Variants in RPAP1 observed in about 807,000 individuals in gnomAD.
The protein encoded by RPAP1 is RNA polymerase II-associated protein 1.
In RPAP1, 109 loss-of-function variants were observed where a neutral mutation model predicts 142.4. That is an observed-to-expected ratio of 0.77 (90% CI 0.66 to 0.90). The LOEUF is 0.90. Among genes scored for constraint, RPAP1 ranks in the 40% least tolerant of loss-of-function variants. The pLI is 0.00. For missense variants in RPAP1, 1,546 were observed against 1,751.7 expected, an observed-to-expected ratio of 0.88 and a Z score of 2.10; for synonymous variants, 704 against 738.9, an observed-to-expected ratio of 0.95 and a Z score of 0.77.
At position 41,517,344 on chromosome 15, in the gene RPAP1, G is replaced by A; in HGVS notation, c.*198C>T. 3 of 503,920 alleles carry A rather than the reference G, an allele frequency of 6.0e-6. No homozygotes were observed. The highest frequency in any genetic ancestry group is 1.0e-5 in the Non-Finnish European group (3 of 288,934). 31.2% of individuals were successfully genotyped at this position (503,920 alleles called of 1,614,324 possible). On this transcript the variant is annotated 3_prime_UTR_variant, in exon 25 of 25. Coordinates refer to ENST00000304330, the MANE Select transcript of RPAP1 (RefSeq NM_015540.4). ...TCTTCACTCCCAGTACAGACCTTCA[G>A]AAGCCCCAGATATCAGGATGTAATG...
chr15:41,523,056 C>A, intron 18 of RPAP1, 96 bp from the exon 19 acceptor site: 1 of 1,128,342 alleles, frequency 8.9e-7, no homozygotes. Flanking sequence ...AACGGGGGGC[C>A]TGGCTGTGGA....
intron 9 of RPAP1, among the ~76,000 whole-genome samples, chr15:41,528,662 G>A (rs540994722): frequency 1.3e-5 from 2 of 152,322 alleles, no homozygotes; most frequent in Admixed American, 6.5e-5. Flanking sequence ...TTCCTGGAGC[G>A]AGTGGAGTCC....
In RPAP1 at chr15:41,527,580, C is replaced by T. The variant is rs745382561; in HGVS notation, c.1454G>A (p.Trp485Ter). 1 of 1,613,716 alleles carries T rather than the reference C, an allele frequency of 6.2e-7. No individual in the cohort carries two copies. The highest frequency in any genetic ancestry group is 8.5e-7 in the Non-Finnish European group (1 of 1,179,866). Reference protein sequence around the residue: ...DEELLDSTFSWYHGALTFPLM... With the variant: ...DEELLDSTFS Reference sequence around the variant, plus strand: ...AGGGAACGTCAAAGCTCCATGGTACCAAGAGAAGGTGCTGTCGAGGAGCTC... The same window carrying T: ...AGGGAACGTCAAAGCTCCATGGTACTAAGAGAAGGTGCTGTCGAGGAGCTC... Residue 485 changes from tryptophan (W) to a stop codon, truncating the protein, a stop_gained, in exon 12 of 25, where the codon TGG (tryptophan) becomes TAG (stop). Transcript: ENST00000304330. LOFTEE classifies it high-confidence loss of function.
At chr15:41,523,601 G>T (rs528702081) in intron 17 of RPAP1, among the ~76,000 whole-genome samples, 170 bp downstream of exon 17, 1 of 152,334 alleles carries the variant, frequency 6.6e-6, no homozygotes, top group Non-Finnish European at 1.5e-5. Context: ...CTCCTGGGAA[G>T]CTCCACGGGG....
At chr15:41,527,759 A>G in intron 11 of RPAP1, 101 bp downstream of exon 11, 1 of 1,512,572 alleles carries the variant, frequency 6.6e-7, no homozygotes, top group South Asian at 1.3e-5. Context: ...ATCCCATTCT[A>G]CATCTTGCCC....
chr15:41,536,742 T>C (rs1307582265), intron 2 of RPAP1, 93 bp from the exon 3 acceptor site: 3 of 1,467,296 alleles, frequency 2.0e-6, no homozygotes, highest in Admixed American at 4.0e-5. Context: ...CATGGGGCCC[T>C]GGCTCAAGCT....
At chr15:41,522,607 C>G in intron 19 of RPAP1, 158 bp downstream of exon 19, 1 of 629,128 alleles carries the variant, frequency 1.6e-6, no homozygotes, top group Non-Finnish European at 2.6e-6. Flanking sequence ...CCAGGCTGGT[C>G]TCGAACTCCC....
rs756750499 is a variant in RPAP1 at position 41,531,170 on chromosome 15, T to G, written c.796A>C (p.Ser266Arg). The G allele has an allele frequency of 1.2e-6, 2 of 1,613,088 alleles. No individual in the cohort carries two copies. Among genetic ancestry groups the G allele is most frequent in the Non-Finnish European group, 1.7e-6 (2 of 1,179,226 alleles). The change falls in exon 7 of 25, where the codon AGC becomes CGC. Residue 266 changes from serine (S) to arginine (R), a missense_variant. Transcript: ENST00000304330. The stretch of plus-strand genomic sequence containing the variant: ...TCTCCTGTTTGCTCTTGCGTGTGGC[T>G]GTGAGATCTCAAGAAAGCAACCAAG... ...PSLVAFLRSH[S>R]HTQEQTGETA...
chr15:41,526,876 C>G lies in RPAP1; in HGVS notation c.1917+22G>C, dbSNP rs757595808. 8 of 1,591,928 alleles carry G rather than the reference C, an allele frequency of 5.0e-6. No homozygotes were observed. In the South Asian group the frequency reaches 9.0e-5, roughly 18 times the overall value. On this transcript the variant is annotated intron_variant, in intron 14 of 24. Transcript: ENST00000304330. ...ACCCTGTCCCATGCATTCCCCCATC[C>G]CTTGCCCTGTGTCCTGCTCACCAGC...
rs377367529 is a variant in RPAP1 at position 41,537,149 on chromosome 15, A to G, written c.-24T>C. On this transcript the variant is annotated 5_prime_UTR_variant, in exon 2 of 25. Transcript: ENST00000304330. Reference sequence around the variant, plus strand: ...ATCTTGCTGCTCCAGCTGCCTCCCCAGTACGACTCTCTCCAGCAGTGTCTC... The same window carrying G: ...ATCTTGCTGCTCCAGCTGCCTCCCCGGTACGACTCTCTCCAGCAGTGTCTC... 2.9e-5 allele frequency: 47 copies of G among 1,607,814 alleles called. No individual in the cohort carries two copies. In the African/African-American group the frequency reaches 5.9e-4, roughly 20 times the overall value.
chr15:41,523,062 G>T, intron 18 of RPAP1, 102 bp from the exon 19 acceptor site: 1 of 1,048,332 alleles, frequency 9.5e-7, no homozygotes, highest in Non-Finnish European at 1.3e-6. Context: ...GGGCCTGGCT[G>T]TGGAGGTCAG....
intron 17 of RPAP1, 135 bp downstream of exon 17, chr15:41,523,636 G>A: frequency 2.4e-6 from 2 of 837,670 alleles, no homozygotes; most frequent in Non-Finnish European, 3.8e-6. Flanking sequence ...AGAGGAGGAA[G>A]GGTAGGAATT....
At chr15:41,522,609 C>T (rs1427270664) in intron 19 of RPAP1, 156 bp downstream of exon 19, 4 of 636,774 alleles carry the variant, frequency 6.3e-6, no homozygotes, top group East Asian at 3.1e-5. Context: ...AGGCTGGTCT[C>T]GAACTCCCGA....
At chr15:41,523,157 ATGGACCTGGGAGC>A in intron 18 of RPAP1, 75 bp downstream of exon 18, 1 of 1,067,576 alleles carries the variant, frequency 9.4e-7, no homozygotes. Flanking sequence ...GCACCCTGGG[ATGGACCTGGGAGC>A]TGGACCCAGG....
chr15:41,528,678 G>A (rs1041831294), intron 9 of RPAP1, among the ~76,000 whole-genome samples: 1 of 152,182 alleles, frequency 6.6e-6, no homozygotes, highest in African/African-American at 2.4e-5. Context: ...AGTCCTGGAG[G>A]GCCCTGAGCA....
chr15:41,519,957 C>T, intron 22 of RPAP1: 1 of 193,316 alleles, frequency 5.2e-6, no homozygotes, highest in Non-Finnish European at 1.1e-5. Flanking sequence ...TTTTTTGAGA[C>T]AGGGTCTTGC....
In RPAP1 at chr15:41,529,923, G is replaced by T. The variant is rs768630173; in HGVS notation, c.1000C>A (p.Leu334Met). The T allele has an allele frequency of 1.9e-6, 3 of 1,614,034 alleles. No homozygotes were observed. The highest frequency in any genetic ancestry group is 2.5e-6 in the Non-Finnish European group (3 of 1,179,950). ...TCCTGGGTCCAGTGGAGCTTCTCCA[G>T]CTCGACAGTGTCCATGTGCAGCCAT... ...KEWLHMDTVELEKLHWTQDLP... is the reference protein window; with the variant it reads ...KEWLHMDTVEMEKLHWTQDLP... The change falls in exon 8 of 25, where the codon CTG (leucine) becomes ATG (methionine). Residue 334 changes from leucine to methionine, a missense_variant. This residue lies in a region of RPAP1 where 1,333 missense variants were observed against 1,486.6 expected (regional missense o/e 0.90). Coordinates refer to ENST00000304330, the MANE Select transcript of RPAP1 (RefSeq NM_015540.4).
chr15:41,524,973 C>T lies in RPAP1; in HGVS notation c.2075+18G>A. The T allele has an allele frequency of 6.2e-7, 1 of 1,611,258 alleles. No homozygotes were observed. The highest frequency in any genetic ancestry group is 8.5e-7 in the Non-Finnish European group (1 of 1,179,102). ...ACTGAAGGTGTCTAGGGGGAGCCTACCCCCTGCCTCTCCTCACCTGTAAAG... is the reference window on the plus strand; with the variant it reads ...ACTGAAGGTGTCTAGGGGGAGCCTATCCCCTGCCTCTCCTCACCTGTAAAG... On this transcript the variant is annotated intron_variant, in intron 15 of 24. Transcript: ENST00000304330.
At position 41,535,581 on chromosome 15, in the gene RPAP1, C is replaced by A; in HGVS notation, c.472G>T (p.Ala158Ser). 1.2e-6 allele frequency: 2 copies of A among 1,614,076 alleles called. No individual in the cohort carries two copies. The highest frequency in any genetic ancestry group is 3.3e-5 in the Admixed American group (2 of 59,998). Residue 158 changes from alanine (A) to serine (S), a missense_variant, in exon 5 of 25, where the codon GCA becomes TCA. This residue lies in a region of RPAP1 where 1,333 missense variants were observed against 1,486.6 expected (regional missense o/e 0.90). Coordinates refer to ENST00000304330, the MANE Select transcript of RPAP1 (RefSeq NM_015540.4). ...KRSIFAQEIA[A>S]RRIAEAKGPS... ...CCCTTGGCTTCAGCTATCCTCCTTG[C>A]CGCAATTTCCTGGGCAAAGATGCTT...
Sources: gnomAD v4.1 joint callset for allele counts (sites outside exome capture counted in the v4.1 genomes callset) on GRCh38, gnomAD v4.1.1 for gene constraint, gnomAD v4.1.1 regional missense constraint, MANE v1.5 for transcripts, NCBI Gene and HGNC (gene_info 2026-07-23, HGNC 2026-07-21) for gene names.